The following BCHE variants were observed in gnomAD, a reference collection of about 807,000 sequenced individuals.
BCHE encodes butyrylcholinesterase.
A neutral mutation model predicts 51.3 loss-of-function variants in BCHE; 48 were observed. The observed-to-expected ratio is 0.94, with a 90% CI of 0.74 to 1.19. BCHE has a LOEUF of 1.19. Ranked by LOEUF, BCHE falls within the 50% of genes most tolerant of loss-of-function variation. The pLI, the probability that BCHE is intolerant of heterozygous loss-of-function variation, is 0.00. For missense variants in BCHE, 847 were observed against 708.2 expected, an observed-to-expected ratio of 1.20 and a Z score of -2.23; for synonymous variants, 251 against 238.0, an observed-to-expected ratio of 1.05 and a Z score of -0.50.
intron 2 of BCHE, among the ~76,000 whole-genome samples, chr3:165,803,848 G>A (rs1713761098): frequency 6.6e-6 from 1 of 152,150 alleles, no homozygotes; most frequent in South Asian, 2.1e-4. Flanking sequence ...ATAAGGCACA[G>A]GGGTTTAGGA....
At chr3:165,823,230 T>A (rs913150522) in intron 2 of BCHE, among the ~76,000 whole-genome samples, 3 of 152,142 alleles carry the variant, frequency 2.0e-5, no homozygotes, top group African/African-American at 7.2e-5. Flanking sequence ...CCTTTAATTT[T>A]ATTAAGAAAT....
intron 3 of BCHE, among the ~76,000 whole-genome samples, chr3:165,780,858 C>T (rs1214633233): frequency 6.6e-6 from 1 of 152,112 alleles, no homozygotes; most frequent in Admixed American, 6.6e-5. Context: ...TGTGGCAATG[C>T]CTCAAGGATC....
rs555660429 is a variant in BCHE, at chr3:165,804,940, G to A, written c.1518-18629C>T. Among the ~76,000 whole-genome samples the A allele has an allele frequency of 3.9e-5, 6 of 152,202 alleles. No individual in the cohort carries two copies. In the South Asian group the frequency reaches 1.2e-3, roughly 32 times the overall value. ...GAAAGATTAAGAGAAAAAGGCCAAA[G>A]CATTTCACAGTTTATTTGTATGAAC... On this transcript the variant is annotated intron_variant, in intron 2 of 3. Coordinates refer to ENST00000264381, the MANE Select transcript of BCHE (RefSeq NM_000055.4).
rs1161329753 is a variant in BCHE, at chr3:165,830,330, T to C, written c.704A>G (p.His235Arg). Residue 235 changes from histidine (H) to arginine (R), a missense_variant, in exon 2 of 4, where the codon CAT (histidine) becomes CGT (arginine). Physicochemically the swap from His to Arg is conservative, Grantham distance 29. Transcript: ENST00000264381. Reference sequence around the variant, plus strand: ...TGAATGGCTTCCAGGAGAAAGCAAATGCAGGCTAACTGAAGCTGCTCCTGC... The same window carrying C: ...TGAATGGCTTCCAGGAGAAAGCAAACGCAGGCTAACTGAAGCTGCTCCTGC... ...ESAGAASVSLHLLSPGSHSLF... is the reference protein window; with the variant it reads ...ESAGAASVSLRLLSPGSHSLF... 6.2e-7 allele frequency: 1 copy of C among 1,613,994 alleles called. No individual in the cohort carries two copies. Among genetic ancestry groups the C allele is most frequent in the Non-Finnish European group, 8.5e-7 (1 of 1,179,946 alleles).
chr3:165,780,682 G>A (rs1096091), intron 3 of BCHE, among the ~76,000 whole-genome samples: 138,582 of 152,262 alleles, frequency 0.91, 63,629 homozygotes, highest in Non-Finnish European at 0.97. Flanking sequence ...ACTGATCATT[G>A]GAGAAATAAA....
chr3:165,829,910 C>A lies in BCHE; in HGVS notation c.1124G>T (p.Arg375Ile), dbSNP rs1452013632. The change falls in exon 2 of 4, where the codon AGA becomes ATA. Residue 375 changes from arginine (R) to isoleucine (I), a missense_variant. Arg to Ile is a moderately conservative substitution (Grantham distance 97). Coordinates refer to ENST00000264381, the MANE Select transcript of BCHE (RefSeq NM_000055.4). The stretch of plus-strand genomic sequence containing the variant: ...TTTTAAACCTTCCTGAAATTCTTTT[C>A]TAGTTATGATACTATTGTTATCTTT... ...FSKDNNSIIT[R>I]KEFQEGLKIF... The A allele has an allele frequency of 6.2e-7, 1 of 1,611,166 alleles. No individual in the cohort carries two copies. Among genetic ancestry groups the A allele is most frequent in the African/African-American group, 1.3e-5 (1 of 74,592 alleles).
chr3:165,798,076 CAT>C (rs1274669541), intron 2 of BCHE, among the ~76,000 whole-genome samples: 1 of 152,102 alleles, frequency 6.6e-6, no homozygotes, highest in Admixed American at 6.6e-5. Context: ...TAGCAGACAA[CAT>C]GTCTGTTTTT....
chr3:165,792,494 A>G (rs992866982), intron 2 of BCHE, among the ~76,000 whole-genome samples: 2 of 152,150 alleles, frequency 1.3e-5, no homozygotes, highest in African/African-American at 4.8e-5. Flanking sequence ...GAAAACATGA[A>G]TGGGATATTT....
In BCHE at chr3:165,817,532, A is replaced by C. The variant is rs529783889; in HGVS notation, c.1517+11985T>G. On this transcript the variant is annotated intron_variant, in intron 2 of 3. Transcript: ENST00000264381. ...TTCACATACCTATTCCAGCCGCACTATCTTTCTTGCTGTTCCTGCAACATC... is the reference window on the plus strand; with the variant it reads ...TTCACATACCTATTCCAGCCGCACTCTCTTTCTTGCTGTTCCTGCAACATC... 1.5e-3 allele frequency among the ~76,000 whole-genome samples: 223 copies of C among 152,066 alleles called. 2 individuals carry two copies. The highest frequency in any genetic ancestry group is 2.8e-3 in the Non-Finnish European group (187 of 67,948).
intron 2 of BCHE, among the ~76,000 whole-genome samples, chr3:165,819,015 G>A (rs1306993510): frequency 6.6e-6 from 1 of 151,116 alleles, no homozygotes; most frequent in Non-Finnish European, 1.5e-5. Flanking sequence ...TTTCTTTGGA[G>A]GTGAAAAAAT....
rs1180501769 is a variant in BCHE, at chr3:165,831,189, A to G, written c.-8-148T>C. The G allele has an allele frequency of 4.8e-6, 3 of 630,488 alleles. No homozygotes were observed. In the East Asian group the frequency reaches 8.7e-5, roughly 18 times the overall value. The allele number at this position is 630,488 out of a possible 1,614,324, so 39.1% of individuals were successfully genotyped here. ...CTGCTTCTGTAAAGGCCTACATAGG[A>G]AAAAATAGAAAACAGAGATATTTTA... On this transcript the variant is annotated intron_variant, in intron 1 of 3. Transcript: ENST00000264381.
At chr3:165,833,474 T>G (rs1472825012) in intron 1 of BCHE, among the ~76,000 whole-genome samples, 1 of 152,154 alleles carries the variant, frequency 6.6e-6, no homozygotes, top group African/African-American at 2.4e-5. Flanking sequence ...TAGAAAATGG[T>G]AACTGTATGT....
Position 165,830,510 on chromosome 3 carries a change from C to T in BCHE, c.524G>A (p.Arg175Lys). Residue 175 changes from arginine to lysine, a missense_variant, in exon 2 of 4, where the codon AGG becomes AAG. Physicochemically the swap from Arg to Lys is conservative, Grantham distance 26. Coordinates refer to ENST00000264381, the MANE Select transcript of BCHE (RefSeq NM_000055.4). Reference sequence around the variant, plus strand: ...AGCTAAGAATCCTAGGGCACCCACCCTATAGTTCATTGACACTACAATAAC... The same window carrying T: ...AGCTAAGAATCCTAGGGCACCCACCTTATAGTTCATTGACACTACAATAAC... ...ERVIVVSMNY[R>K]VGALGFLALP... is the part of the protein sequence containing the mutation. The T allele has an allele frequency of 2.5e-6, 4 of 1,613,922 alleles. No homozygotes were observed. Among genetic ancestry groups the T allele is most frequent in the Non-Finnish European group, 2.5e-6 (3 of 1,179,934 alleles).
intron 3 of BCHE, among the ~76,000 whole-genome samples, chr3:165,776,555 G>A (rs1190293102): frequency 2.6e-5 from 4 of 151,778 alleles, no homozygotes; most frequent in African/African-American, 4.8e-5. Flanking sequence ...AGAAAGTGGA[G>A]GCTTGATACT....
chr3:165,828,033 T>A (rs766782120), intron 2 of BCHE: 3 of 456,132 alleles, frequency 6.6e-6, no homozygotes, highest in South Asian at 4.6e-5. Context: ...CAGGTTCTGT[T>A]TCAAGAACGT....
intron 2 of BCHE, among the ~76,000 whole-genome samples, chr3:165,798,903 A>G (rs186264684): frequency 9.2e-5 from 14 of 152,272 alleles, no homozygotes; most frequent in Admixed American, 6.5e-4. Flanking sequence ...ATAAAAAAAA[A>G]CTAGAGTATA....
chr3:165,833,224 T>C (rs1371221505), intron 1 of BCHE, among the ~76,000 whole-genome samples: 1 of 152,124 alleles, frequency 6.6e-6, no homozygotes, highest in Non-Finnish European at 1.5e-5. Flanking sequence ...GATATTTAGG[T>C]ACTATTATAT....
intron 2 of BCHE, among the ~76,000 whole-genome samples, chr3:165,798,420 T>G (rs1416730167): frequency 6.6e-6 from 1 of 152,142 alleles, no homozygotes; most frequent in African/African-American, 2.4e-5. Context: ...ATTAGAAATT[T>G]TGTATCTATT....
intron 2 of BCHE, among the ~76,000 whole-genome samples, chr3:165,796,670 A>C (rs1035650035): frequency 2.0e-5 from 3 of 152,176 alleles, no homozygotes; most frequent in Non-Finnish European, 2.9e-5. Flanking sequence ...GCATACTTTT[A>C]TATATTATGT....
Sources: allele counts gnomAD v4.1 joint callset (sites outside exome capture counted in the v4.1 genomes callset), GRCh38; gene constraint gnomAD v4.1.1; transcripts MANE v1.5; gene names NCBI Gene and HGNC (gene_info 2026-07-23, HGNC 2026-07-21).